Variants in STK32C observed in about 807,000 individuals in gnomAD.
The protein encoded by STK32C is serine/threonine-protein kinase 32C.
Under a neutral mutation model 56.5 loss-of-function variants are expected in STK32C, and 31 were observed. The observed-to-expected ratio is 0.55, with a 90% CI of 0.41 to 0.74. The LOEUF (loss-of-function observed/expected upper bound fraction) is 0.74, where lower values mean the gene tolerates loss of function less well. STK32C is among the 30% of genes least tolerant of loss of function. The probability of loss-of-function intolerance (pLI) is 0.00; values close to 1 mark genes in which losing one functional copy is unlikely to be tolerated. For missense variants in STK32C, 544 were observed against 676.9 expected (o/e 0.80, Z 2.18); for synonymous variants, 309 against 289.4 (o/e 1.07, Z -0.69).
chr10:132,240,710 C>T (rs1405829345), intron 2 of STK32C, among the ~76,000 whole-genome samples: 2 of 152,080 alleles, frequency 1.3e-5, no homozygotes, highest in Non-Finnish European at 2.9e-5. Context: ...CTCTCTCCCT[C>T]GGACAGGGGG....
At chr10:132,249,570 G>A (rs115606245) in intron 1 of STK32C, among the ~76,000 whole-genome samples, 3,176 of 152,244 alleles carry the variant, frequency 0.021, 126 homozygotes, top group African/African-American at 0.07. Flanking sequence ...TGTTGGCCCA[G>A]ACCCCGCAAG....
At position 132,225,765 on chromosome 10, in the gene STK32C, T is replaced by C; in HGVS notation, c.664A>G (p.Ile222Val). Residue 222 changes from isoleucine (I) to valine (V), a missense_variant, in exon 5 of 12, where the codon ATT becomes GTT. Coordinates refer to ENST00000298630, the MANE Select transcript of STK32C (RefSeq NM_173575.4). ...IIHRDVKPDN[I>V]LLDERGHAHL... ...CACACACCTCTCTCATCCAGGAGAA[T>C]GTTGTCAGGCTTGACATCTCTAGAA... The C allele has an allele frequency of 6.2e-7, 1 of 1,614,142 alleles. No homozygotes were observed. Among genetic ancestry groups the C allele is most frequent in the Non-Finnish European group, 8.5e-7 (1 of 1,180,014 alleles).
chr10:132,314,964 A>G (rs1163492421), intron 1 of STK32C, among the ~76,000 whole-genome samples: 1 of 152,026 alleles, frequency 6.6e-6, no homozygotes, highest in Non-Finnish European at 1.5e-5. Context: ...GAGAAACCCC[A>G]TCTCTACTAA....
chr10:132,283,159 G>GAGGCCCC (rs1274478488), intron 1 of STK32C, among the ~76,000 whole-genome samples: 5 of 152,364 alleles, frequency 3.3e-5, no homozygotes, highest in South Asian at 4.1e-4. Flanking sequence ...GAGGCCGGCC[G>GAGGCCCC]AGGCCCCAGG....
chr10:132,276,915 C>T (rs2065012951), intron 1 of STK32C, among the ~76,000 whole-genome samples: 1 of 152,270 alleles, frequency 6.6e-6, no homozygotes, highest in Non-Finnish European at 1.5e-5. Flanking sequence ...GGCTGCGCCC[C>T]ATCTGGGCTC....
intron 2 of STK32C, among the ~76,000 whole-genome samples, chr10:132,244,218 T>G (rs1165705187): frequency 6.6e-6 from 1 of 152,096 alleles, no homozygotes; most frequent in Admixed American, 6.5e-5. Context: ...GGCCTAACTG[T>G]GAGCCGGAAG....
At chr10:132,209,510 C>T in intron 10 of STK32C, 4 of 353,378 alleles carry the variant, frequency 1.1e-5, no homozygotes, top group South Asian at 7.0e-5. Context: ...GGGGCCCTGC[C>T]CAGAGAATCC....
intron 2 of STK32C, among the ~76,000 whole-genome samples, chr10:132,230,682 G>GT (rs2063065717): frequency 4.3e-5 from 6 of 139,356 alleles, no homozygotes; most frequent in Non-Finnish European, 7.9e-5. Context: ...AAGCTGGCGG[G>GT]GGGGGGGGGG....
intron 1 of STK32C, among the ~76,000 whole-genome samples, chr10:132,275,594 G>A (rs2064970362): frequency 6.6e-6 from 1 of 152,220 alleles, no homozygotes; most frequent in Admixed American, 6.5e-5. Flanking sequence ...CTGCAATGCA[G>A]GGTCACAGCA....
At chr10:132,214,456 A>G (rs986048551) in intron 10 of STK32C, among the ~76,000 whole-genome samples, 1 of 152,328 alleles carries the variant, frequency 6.6e-6, no homozygotes, top group African/African-American at 2.4e-5. Context: ...TTTTTTGGAC[A>G]AACAAAAAGG....
At chr10:132,296,672 T>C (rs1466271810) in intron 1 of STK32C, among the ~76,000 whole-genome samples, 2 of 152,156 alleles carry the variant, frequency 1.3e-5, no homozygotes, top group African/African-American at 2.4e-5. Context: ...TAAAAAGCTA[T>C]AAAGGAAGAA....
downstream of STK32C, among the ~76,000 whole-genome samples, chr10:132,320,246 C>T (rs539531759): frequency 1.5e-3 from 227 of 152,180 alleles, 2 homozygotes; most frequent in African/African-American, 4.9e-3. Context: ...GTGTCCTCCA[C>T]TTTCATGCTG....
rs558457230 is a variant in STK32C, at chr10:132,329,073, G to C, written c.301+2363C>G. Among the ~76,000 whole-genome samples the C allele has an allele frequency of 2.6e-5, 4 of 152,346 alleles. No individual in the cohort carries two copies. The East Asian group carries it at 7.7e-4, about 29-fold the overall frequency. On this transcript the variant is annotated intron_variant, in intron 1 of 1. Transcript: ENST00000368619. ...GCCATCAACTGGTAAATTCCGCCCA[G>C]GGGAGATGAAAACAATAAAGCACAG...
chr10:132,229,991 T>G (rs2137752704), intron 2 of STK32C, among the ~76,000 whole-genome samples: 1 of 152,252 alleles, frequency 6.6e-6, no homozygotes, highest in African/African-American at 2.4e-5. Flanking sequence ...AAGCTGAGCC[T>G]GAAGGGACAG....
intron 2 of STK32C, among the ~76,000 whole-genome samples, chr10:132,233,760 G>T (rs1451151904): frequency 1.3e-5 from 2 of 152,234 alleles, no homozygotes; most frequent in Non-Finnish European, 2.9e-5. Flanking sequence ...GCTTCCCAGG[G>T]GACGGAGCTA....
chr10:132,308,396 C>G (rs1274380966), upstream of STK32C, among the ~76,000 whole-genome samples: 1 of 152,200 alleles, frequency 6.6e-6, no homozygotes, highest in Non-Finnish European at 1.5e-5. Flanking sequence ...TTCGTGAAAA[C>G]AGCCGGCGCG....
chr10:132,305,356 T>C (rs2066027495), intron 1 of STK32C, among the ~76,000 whole-genome samples: 1 of 152,266 alleles, frequency 6.6e-6, no homozygotes, highest in African/African-American at 2.4e-5. Flanking sequence ...AGTTGAAATT[T>C]ACCTGGCACT....
At chr10:132,230,364 G>A (rs1346920908) in intron 2 of STK32C, among the ~76,000 whole-genome samples, 4 of 152,188 alleles carry the variant, frequency 2.6e-5, no homozygotes, top group Non-Finnish European at 5.9e-5. Flanking sequence ...CCATGCACAC[G>A]GCCGCAGGAG....
chr10:132,276,051 G>A (rs993139922), intron 1 of STK32C, among the ~76,000 whole-genome samples: 3 of 152,124 alleles, frequency 2.0e-5, no homozygotes, highest in East Asian at 3.9e-4. Context: ...CTGCCACCCG[G>A]TGACGCCAGA....
Sources: allele counts gnomAD v4.1 joint callset (sites outside exome capture counted in the v4.1 genomes callset), GRCh38; gene constraint gnomAD v4.1.1; transcripts MANE v1.5; gene names NCBI Gene and HGNC (gene_info 2026-07-23, HGNC 2026-07-21).